RNF128: variants seen among roughly 807,000 people sequenced by gnomAD.
RNF128 encodes E3 ubiquitin-protein ligase RNF128.
A neutral mutation model predicts 26.2 loss-of-function variants in RNF128; 13 were observed. That is an observed-to-expected ratio of 0.50 (90% CI 0.32 to 0.79). The LOEUF (loss-of-function observed/expected upper bound fraction) is 0.79. Among genes scored for constraint, RNF128 ranks in the 30% least tolerant of loss-of-function variants. RNF128 has a pLI of 0.03. For missense variants in RNF128, 315 were observed against 349.7 expected (o/e 0.90, Z 0.79); for synonymous variants, 149 against 142.5 (o/e 1.05, Z -0.32).
chrX:106,729,681 T>C (rs749795237), intron 1 of RNF128, among the ~76,000 whole-genome samples: 1 of 111,542 alleles, frequency 9.0e-6, no homozygotes, highest in East Asian at 2.8e-4. Context: ...TATACCAAAG[T>C]TTGCCATCAA....
chrX:106,728,759 G>A (rs1929453039), intron 1 of RNF128, among the ~76,000 whole-genome samples: 1 of 111,829 alleles, frequency 8.9e-6, no homozygotes, highest in African/African-American at 3.3e-5. Flanking sequence ...TTACTCACAT[G>A]TCAAATGATT....
chrX:106,785,091 A>T lies in RNF128; in HGVS notation c.759A>T (p.Lys253Asn). The T allele has an allele frequency of 8.4e-7, 1 of 1,188,534 alleles. No homozygotes were observed. Among genetic ancestry groups the T allele is most frequent in the Non-Finnish European group, 1.1e-6 (1 of 887,168 alleles). Residue 253 changes from lysine to asparagine, a missense_variant, in exon 3 of 7, where the codon AAA (lysine) becomes AAT (asparagine). Lys to Asn is a moderately conservative substitution (Grantham distance 94, BLOSUM62 0). Transcript: ENST00000255499. ...KQRQLKADAK[K>N]AIGRLQLRTL... ...GGCAATTAAAGGCAGATGCTAAAAA[A>T]GCTATTGGAAGGCTTCAACTACGCA...
At chrX:106,739,774 A>T (rs1929666833) in intron 1 of RNF128, among the ~76,000 whole-genome samples, 1 of 111,286 alleles carries the variant, frequency 9.0e-6, no homozygotes, top group Non-Finnish European at 1.9e-5. Context: ...ATACAGGAGG[A>T]AATTTAATAT....
Position 106,726,734 on chromosome X carries a change from T to A in RNF128, c.-180T>A, listed in dbSNP as rs1929402758. On this transcript the variant is annotated 5_prime_UTR_variant, in exon 1 of 7. Transcript: ENST00000255499. Reference sequence around the variant, plus strand: ...GGAGAAGACTGGAGCTCCGAGGAGCTGCATCTGCGGCAACCTGTGTGCTGA... The same window carrying A: ...GGAGAAGACTGGAGCTCCGAGGAGCAGCATCTGCGGCAACCTGTGTGCTGA... 9.6e-7 allele frequency: 1 copy of A among 1,044,154 alleles called. No homozygotes were observed. The highest frequency in any genetic ancestry group is 1.2e-6 in the Non-Finnish European group (1 of 821,239). 86.1% of individuals were successfully genotyped at this position (1,044,154 alleles called of 1,213,427 possible).
At chrX:106,701,479 T>A (rs1421023059) in intron 1 of RNF128, among the ~76,000 whole-genome samples, 1 of 111,776 alleles carries the variant, frequency 8.9e-6, no homozygotes, top group African/African-American at 3.2e-5. Context: ...AGTCACCATG[T>A]AGGATATGCC....
intron 2 of RNF128, among the ~76,000 whole-genome samples, chrX:106,775,211 T>C (rs1482406213): frequency 8.9e-6 from 1 of 112,088 alleles, no homozygotes; most frequent in East Asian, 2.8e-4. Context: ...CGGTTTTTTA[T>C]CTGCGAGGCT....
At position 106,753,456 on chromosome X, in the gene RNF128, G is replaced by C. The variant is rs1260642705; in HGVS notation, c.485-19457G>C. 5.4e-5 allele frequency among the ~76,000 whole-genome samples: 6 copies of C among 110,452 alleles called. No homozygotes were observed. The Admixed American group carries it at 5.8e-4, about 11-fold the overall frequency. On this transcript the variant is annotated intron_variant, in intron 1 of 6. Transcript: ENST00000255499. ...TGGTAGCCTCAAATCAATGAACCTA[G>C]AACAGATACACCAAAAAATAAAAAG...
chrX:106,694,708 T>A (rs888782812), intron 1 of RNF128, among the ~76,000 whole-genome samples: 16 of 111,726 alleles, frequency 1.4e-4, no homozygotes, highest in African/African-American at 5.2e-4. Flanking sequence ...CCTTTACCTC[T>A]AAACATTAAA....
intron 1 of RNF128, among the ~76,000 whole-genome samples, chrX:106,768,421 A>G (rs1446330608): frequency 9.0e-6 from 1 of 110,979 alleles, no homozygotes; most frequent in Non-Finnish European, 1.9e-5. Flanking sequence ...CAGAGATTCA[A>G]CTTCTTCCTG....
At chrX:106,776,242 G>A (rs1930463152) in intron 2 of RNF128, among the ~76,000 whole-genome samples, 1 of 111,900 alleles carries the variant, frequency 8.9e-6, no homozygotes, top group African/African-American at 3.2e-5. Flanking sequence ...TACCGTAAAT[G>A]TATCCTAACT....
At chrX:106,723,569 A>T (rs1307134113), upstream of RNF128, among the ~76,000 whole-genome samples, 3 of 108,098 alleles carry the variant, frequency 2.8e-5, no homozygotes, top group South Asian at 4.0e-4. Flanking sequence ...CTCTGTCTAA[A>T]ATATATATAT....
intron 1 of RNF128, among the ~76,000 whole-genome samples, chrX:106,738,476 A>G (rs1036070598): frequency 6.3e-5 from 7 of 111,372 alleles, no homozygotes; most frequent in East Asian, 2.9e-4. Flanking sequence ...CCATATTGCA[A>G]TTTTTCTGGG....
intron 1 of RNF128, among the ~76,000 whole-genome samples, chrX:106,764,676 A>AAACAAC (rs747082714): frequency 1.7e-4 from 19 of 111,563 alleles, no homozygotes; most frequent in African/African-American, 6.2e-4. Context: ...AAAAAAAACA[A>AAACAAC]AACAACAACA....
At chrX:106,753,840 A>G (rs1484691585) in intron 1 of RNF128, among the ~76,000 whole-genome samples, 1 of 112,235 alleles carries the variant, frequency 8.9e-6, no homozygotes, top group Admixed American at 9.5e-5. Context: ...GACAAAAACT[A>G]TAAAAAGAGA....
Position 106,785,137 on chromosome X carries a change from G to A in RNF128, c.804+1G>A. On this transcript the variant is annotated splice_donor_variant, in intron 3 of 6. Coordinates refer to ENST00000255499, the MANE Select transcript of RNF128 (RefSeq NM_194463.2). LOFTEE classifies it high-confidence loss of function. ...ACGCACACTGAAACAAGGAGACAAG[G>A]TACATTCATGACTTTTAAATGCTAT... is the stretch of plus-strand genomic sequence containing the variant. 8.6e-7 allele frequency: 1 copy of A among 1,158,549 alleles called. No individual in the cohort carries two copies. The highest frequency in any genetic ancestry group is 1.2e-6 in the Non-Finnish European group (1 of 865,985).
chrX:106,788,793 AATT>A (rs1275374916), intron 4 of RNF128, among the ~76,000 whole-genome samples: 2 of 72,546 alleles, frequency 2.8e-5, no homozygotes, highest in African/African-American at 5.7e-5. Context: ...TATTTTATAT[AATT>A]ATATATACTG....
rs770890216 is a variant in RNF128, at chrX:106,793,983, G to A, written c.1154-1597G>A. 3.6e-5 allele frequency among the ~76,000 whole-genome samples: 4 copies of A among 110,884 alleles called. No homozygotes were observed. The South Asian group carries it at 1.5e-3, about 42-fold the overall frequency. On this transcript the variant is annotated intron_variant, in intron 6 of 6. Coordinates refer to ENST00000255499, the MANE Select transcript of RNF128 (RefSeq NM_194463.2). ...ACTTGGAGACTACACAAATGTCCTG[G>A]TACTTATCATACTTCTACCCACTAC...
Position 106,726,942 on chromosome X carries a change from C to T in RNF128, c.29C>T (p.Ser10Phe). The change falls in exon 1 of 7, where the codon TCC becomes TTC. Residue 10 changes from serine to phenylalanine, a missense_variant. Transcript: ENST00000255499. The stretch of plus-strand genomic sequence containing the variant: ...GGGCCGCCGCCTGGGGCCGGGGTCT[C>T]CTGCCGCGGTGGCTGCGGCTTTTCC... MGPPPGAGV[S>F]CRGGCGFSRL... The T allele has an allele frequency of 8.5e-7, 1 of 1,182,369 alleles. No individual in the cohort carries two copies. Among genetic ancestry groups the T allele is most frequent in the Non-Finnish European group, 1.1e-6 (1 of 881,343 alleles).
chrX:106,694,158 C>T (rs1928833496), exon 1 of RNF128: 2 of 1,210,285 alleles, frequency 1.7e-6, no homozygotes, highest in African/African-American at 1.7e-5. Flanking sequence ...GTGAATGTGG[C>T]GTTTATGGAT....
Sources: allele counts gnomAD v4.1 joint callset (sites outside exome capture counted in the v4.1 genomes callset), GRCh38; gene constraint gnomAD v4.1.1; transcripts MANE v1.5; gene names NCBI Gene and HGNC (gene_info 2026-07-23, HGNC 2026-07-21).